OTOG: variants seen among roughly 807,000 people sequenced by gnomAD.
The protein encoded by OTOG is otogelin.
In OTOG, 296 loss-of-function variants were observed where a neutral mutation model predicts 313.8. The observed-to-expected ratio is 0.94, with a 90% CI of 0.86 to 1.04. The LOEUF is 1.04. Ranked by LOEUF, OTOG falls within the 50% of genes least tolerant of loss-of-function variation. The pLI is 0.00. For missense variants in OTOG, 3,948 were observed against 3,840.1 expected, an observed-to-expected ratio of 1.03 and a Z score of -0.74; for synonymous variants, 1,533 against 1,554.9, an observed-to-expected ratio of 0.99 and a Z score of 0.33.
rs1419735351 is a variant in OTOG at position 17,603,062 on chromosome 11, G to T, written c.3877+685G>T. Among the ~76,000 whole-genome samples the T allele has an allele frequency of 2.0e-5, 3 of 152,174 alleles. No individual in the cohort carries two copies. The South Asian group carries it at 6.2e-4, about 32-fold the overall frequency. Reference sequence around the variant, plus strand: ...TTGGGACTTTATCCTGAGGGCAATGGGGAGCCATGGAAGGGCTTTGTGGAG... The same window carrying T: ...TTGGGACTTTATCCTGAGGGCAATGTGGAGCCATGGAAGGGCTTTGTGGAG... On this transcript the variant is annotated intron_variant, in intron 32 of 55. Transcript: ENST00000399397.
intron 15 of OTOG, among the ~76,000 whole-genome samples, chr11:17,567,342 T>C (rs989464936): frequency 1.3e-5 from 2 of 152,214 alleles, no homozygotes; most frequent in African/African-American, 4.8e-5. Context: ...GGTTGCACAA[T>C]GTATTTCTTT....
intron 15 of OTOG, among the ~76,000 whole-genome samples, chr11:17,567,089 C>G (rs1852307136): frequency 6.6e-6 from 1 of 152,190 alleles, no homozygotes; most frequent in Non-Finnish European, 1.5e-5. Context: ...GAGGAGAGAA[C>G]TGAGATATGG....
chr11:17,621,544 T>TTCAGGACAGGG (rs1853863564), intron 39 of OTOG, among the ~76,000 whole-genome samples: 1 of 152,036 alleles, frequency 6.6e-6, no homozygotes, highest in African/African-American at 2.4e-5. Flanking sequence ...CAGCTGAAAA[T>TTCAGGACAGGG]TCAGGACAGG....
intron 42 of OTOG, among the ~76,000 whole-genome samples, chr11:17,633,193 G>A (rs1437017807): frequency 6.6e-6 from 1 of 152,204 alleles, no homozygotes; most frequent in Non-Finnish European, 1.5e-5. Flanking sequence ...TTTTGTAGTC[G>A]AGTTTGAGGA....
Position 17,609,763 on chromosome 11 carries a change from A to G in OTOG, c.4463A>G (p.Glu1488Gly). Residue 1488 changes from glutamate (E) to glycine (G), a missense_variant, in exon 36 of 56, where the codon GAA becomes GGA. Glu to Gly is a moderately conservative substitution (Grantham distance 98, BLOSUM62 -2). Coordinates refer to ENST00000399397, the MANE Select transcript of OTOG (RefSeq NM_001292063.2). ...PSDEEPQLSQ[E>G]SPRTPTHRPA... ...GATGAGGAGCCACAGCTGTCACAGG[A>G]AAGCCCCAGGACCCCCACCCACAGG... 6.5e-7 allele frequency: 1 copy of G among 1,548,934 alleles called. No individual in the cohort carries two copies. The highest frequency in any genetic ancestry group is 8.7e-7 in the Non-Finnish European group (1 of 1,146,180).
intron 15 of OTOG, among the ~76,000 whole-genome samples, chr11:17,563,144 T>A (rs746632516): frequency 1.6e-4 from 24 of 152,272 alleles, no homozygotes; most frequent in Non-Finnish European, 3.4e-4. Flanking sequence ...AAATGGCCAA[T>A]GTGCAAGTCT....
At chr11:17,609,239 T>A in intron 35 of OTOG, 30 bp downstream of exon 35, 1 of 1,534,278 alleles carries the variant, frequency 6.5e-7, no homozygotes, top group Non-Finnish European at 8.8e-7. Flanking sequence ...CATCCTTCCC[T>A]CAGATTTCCT....
At chr11:17,612,067 GACC>G in intron 36 of OTOG, 92 bp from the exon 37 acceptor site, 2 of 1,433,398 alleles carry the variant, frequency 1.4e-6, no homozygotes, top group Admixed American at 2.0e-5. Context: ...GCCCCGCTAG[GACC>G]TACATGTGGG....
rs571535155 is a variant in OTOG at position 17,633,817 on chromosome 11, G to A, written c.7210G>A (p.Glu2404Lys). Residue 2404 changes from glutamate to lysine, a missense_variant, in exon 43 of 56, where the codon GAG becomes AAG. Transcript: ENST00000399397. ...QVLGEGCVCS[E>K]GTILHRRHSA... The stretch of plus-strand genomic sequence containing the variant: ...GCTGGGCGAGGGCTGCGTCTGCTCC[G>A]AGGGCACCATCTTACACCGGCGCCA... 7 of 1,550,106 alleles carry A rather than the reference G, an allele frequency of 4.5e-6. No homozygotes were observed. Among genetic ancestry groups the A allele is most frequent in the South Asian group, 3.6e-5 (3 of 84,032 alleles).
At chr11:17,634,999 G>T (rs749466071) in intron 45 of OTOG, 51 bp downstream of exon 45, 1 of 1,536,312 alleles carries the variant, frequency 6.5e-7, no homozygotes, top group Admixed American at 2.0e-5. Context: ...GGCAGTGGGG[G>T]GAGGACAGCT....
intron 40 of OTOG, among the ~76,000 whole-genome samples, chr11:17,629,815 A>G (rs1854073357): frequency 6.6e-6 from 1 of 152,244 alleles, no homozygotes; most frequent in South Asian, 2.1e-4. Flanking sequence ...ATTGCAGAGC[A>G]TGCCCTAAAA....
chr11:17,562,327 C>T (rs756584115), intron 15 of OTOG, among the ~76,000 whole-genome samples: 26 of 150,170 alleles, frequency 1.7e-4, no homozygotes, highest in Admixed American at 5.3e-4. Flanking sequence ...TATGTGTCTT[C>T]ACACTTAAAG....
intron 15 of OTOG, among the ~76,000 whole-genome samples, chr11:17,563,783 C>CG (rs1852242379): frequency 6.6e-6 from 1 of 151,662 alleles, no homozygotes; most frequent in Non-Finnish European, 1.5e-5. Context: ...CAGGCTCAGT[C>CG]GCTCTTCCCA....
chr11:17,558,965 T>G lies in OTOG; in HGVS notation c.1104-87T>G, dbSNP rs1852116316. ...AGCTGGGTGGAGAGGAGAGATGCCCTGAAGCCCTGGCAGTGTCTATGGGAT... is the reference window on the plus strand; with the variant it reads ...AGCTGGGTGGAGAGGAGAGATGCCCGGAAGCCCTGGCAGTGTCTATGGGAT... On this transcript the variant is annotated intron_variant, in intron 10 of 55. Transcript: ENST00000399397. 5 of 1,078,816 alleles carry G rather than the reference T, an allele frequency of 4.6e-6. No homozygotes were observed. In the African/African-American group the frequency reaches 7.8e-5, roughly 17 times the overall value. The allele number at this position is 1,078,816 out of a possible 1,614,324, so 66.8% of individuals were successfully genotyped here.
chr11:17,570,452 C>T, intron 17 of OTOG, 62 bp downstream of exon 17: 1 of 1,480,514 alleles, frequency 6.8e-7, no homozygotes. Flanking sequence ...GGCTGGGTAT[C>T]TAGAGGCACT....
At chr11:17,579,275 TG>T (rs761078382) in intron 23 of OTOG, among the ~76,000 whole-genome samples, 5 of 152,102 alleles carry the variant, frequency 3.3e-5, no homozygotes, top group Non-Finnish European at 7.4e-5. Context: ...GGAAATGACA[TG>T]GGGGTCAGGG....
At chr11:17,641,823 G>C (rs1407496353) in intron 51 of OTOG, 24 bp from the exon 52 acceptor site, 2 of 1,525,748 alleles carry the variant, frequency 1.3e-6, no homozygotes, top group Non-Finnish European at 1.8e-6. Context: ...ATCTGGCTGA[G>C]GCCCACCCCG....
At chr11:17,608,104 G>A (rs556113801) in intron 33 of OTOG, among the ~76,000 whole-genome samples, 192 bp from the exon 34 acceptor site, 4 of 152,128 alleles carry the variant, frequency 2.6e-5, no homozygotes, top group South Asian at 2.1e-4. Flanking sequence ...CCAGAGCCCC[G>A]TCCCCAGGAT....
intron 25 of OTOG, among the ~76,000 whole-genome samples, chr11:17,592,662 T>A (rs368169838): frequency 3.2e-4 from 48 of 152,332 alleles, no homozygotes; most frequent in African/African-American, 1.1e-3. Flanking sequence ...CACTTTTTTC[T>A]TTTGAACAGC....
Sources: gnomAD v4.1 joint callset for allele counts (sites outside exome capture counted in the v4.1 genomes callset) on GRCh38, gnomAD v4.1.1 for gene constraint, MANE v1.5 for transcripts, NCBI Gene and HGNC (gene_info 2026-07-23, HGNC 2026-07-21) for gene names.